The following DPYSL2 variants were observed in gnomAD, a reference collection of about 807,000 sequenced individuals.
DPYSL2 encodes the protein dihydropyrimidinase like 2, also known as dihydropyrimidinase-related protein 2.
In DPYSL2, 13 loss-of-function variants were observed where a neutral mutation model predicts 69.9. That is an observed-to-expected ratio of 0.19 (90% CI 0.12 to 0.30). The LOEUF is 0.30. Ranked by LOEUF, DPYSL2 falls within the 10% of genes least tolerant of loss-of-function variation. The pLI is 1.00. For missense variants in DPYSL2, 587 were observed against 918.9 expected (o/e 0.64, Z 4.67); for synonymous variants, 326 against 359.1 (o/e 0.91, Z 1.04).
intron 1 of DPYSL2, among the ~76,000 whole-genome samples, chr8:26,545,670 G>C (rs1320873658): frequency 1.3e-5 from 2 of 152,232 alleles, no homozygotes; most frequent in South Asian, 4.1e-4. Context: ...GGGAGGCTGA[G>C]GCAGGAGAAT....
intron 1 of DPYSL2, among the ~76,000 whole-genome samples, chr8:26,519,629 A>G (rs762283630): frequency 1.3e-5 from 2 of 152,104 alleles, no homozygotes; most frequent in Non-Finnish European, 2.9e-5. Flanking sequence ...TACTTAGCCA[A>G]TTCCTAAGGT....
At chr8:26,576,520 G>A (rs1801347019) in intron 1 of DPYSL2, among the ~76,000 whole-genome samples, 1 of 152,156 alleles carries the variant, frequency 6.6e-6, no homozygotes, top group Admixed American at 6.5e-5. Context: ...GTAGATTCCT[G>A]AGGATCAACT....
Position 26,655,616 on chromosome 8 carries a change from T to A in DPYSL2, c.1944T>A (p.Gly648=). ...NLHQSGFSLS[G]AQIDDNIPRR... ...TCCTCTCTTCTCCTCTCCCTCCAGG[T>A]GCTCAGATTGATGACAACATTCCCC... is the stretch of plus-strand genomic sequence containing the variant. Residue 648 remains glycine (G), a splice_region_variant and synonymous_variant, in exon 14 of 14, where the codon GGT becomes GGA. Transcript: ENST00000521913. 6.2e-7 allele frequency: 1 copy of A among 1,606,216 alleles called. No individual in the cohort carries two copies. Among genetic ancestry groups the A allele is most frequent in the Non-Finnish European group, 8.5e-7 (1 of 1,175,202 alleles).
chr8:26,557,959 G>A (rs893572244), intron 1 of DPYSL2, among the ~76,000 whole-genome samples: 6 of 151,962 alleles, frequency 3.9e-5, no homozygotes, highest in Middle Eastern at 3.4e-3. Context: ...TTGTGAGGAT[G>A]TGGAGCAACA....
Position 26,571,381 on chromosome 8 carries a change from C to T in DPYSL2, c.355-10588C>T, listed in dbSNP as rs1320816571. ...CCCTGCCCTGGCTTGGAGACCAGCACGCAGGGGACCACGTGCACACTCTTT... is the reference window on the plus strand; with the variant it reads ...CCCTGCCCTGGCTTGGAGACCAGCATGCAGGGGACCACGTGCACACTCTTT... On this transcript the variant is annotated intron_variant, in intron 1 of 13. Coordinates refer to ENST00000521913, the MANE Select transcript of DPYSL2 (RefSeq NM_001197293.3). The surrounding 1 kb of genome is among the most constrained non-coding windows in gnomAD (Gnocchi z 6.1). Among the ~76,000 whole-genome samples the T allele has an allele frequency of 1.3e-5, 2 of 152,098 alleles. No individual in the cohort carries two copies. Among genetic ancestry groups the T allele is most frequent in the Admixed American group, 6.6e-5 (1 of 15,266 alleles).
chr8:26,646,732 T>A (rs1218687838), intron 10 of DPYSL2, among the ~76,000 whole-genome samples: 1 of 152,056 alleles, frequency 6.6e-6, no homozygotes, highest in African/African-American at 2.4e-5. Context: ...GGCTCATGCC[T>A]GAAATCCCAG....
rs1802612437 is a variant in DPYSL2, at chr8:26,626,394, TC to T, written c.794-220del. On this transcript the variant is annotated intron_variant, in intron 4 of 13. Transcript: ENST00000521913. This position sits in a 1 kb window ranked among gnomAD's most constrained non-coding sequence, Gnocchi z 4.3. The stretch of plus-strand genomic sequence containing the variant: ...TAAAAAGCATCCTTGTGCCTCTTCC[TC>T]CCACATTCACAGGTTATTTATATGG... 6.6e-6 allele frequency among the ~76,000 whole-genome samples: 1 copy of T among 152,064 alleles called. No individual in the cohort carries two copies. The highest frequency in any genetic ancestry group is 2.4e-5 in the African/African-American group (1 of 41,394).
At chr8:26,637,306 C>G (rs1802943939) in intron 8 of DPYSL2, among the ~76,000 whole-genome samples, 2 of 152,152 alleles carry the variant, frequency 1.3e-5, no homozygotes, top group African/African-American at 4.8e-5. Flanking sequence ...AGCTAACTTC[C>G]TAGGCTCTTA....
In DPYSL2 at chr8:26,605,456, A is replaced by T. The variant is rs991223923; in HGVS notation, c.629-18687A>T. ...CATGCACCCACTACCACACCCAGCT[A>T]ATTTTTATATTTTTAGTAGAGATGG... On this transcript the variant is annotated intron_variant, in intron 3 of 13. Transcript: ENST00000521913. The surrounding 1 kb of genome is among the most constrained non-coding windows in gnomAD (Gnocchi z 4.1). Among the ~76,000 whole-genome samples the T allele has an allele frequency of 6.6e-6, 1 of 151,656 alleles. No homozygotes were observed. Among genetic ancestry groups the T allele is most frequent in the African/African-American group, 2.4e-5 (1 of 41,252 alleles).
chr8:26,555,841 T>A (rs1234679357), intron 1 of DPYSL2, among the ~76,000 whole-genome samples: 2 of 149,376 alleles, frequency 1.3e-5, no homozygotes, highest in African/African-American at 4.9e-5. Flanking sequence ...GAGCCATGAT[T>A]GTCAGCCTGG....
chr8:26,583,142 CT>C (rs1312250871), intron 2 of DPYSL2, among the ~76,000 whole-genome samples: 1 of 152,074 alleles, frequency 6.6e-6, no homozygotes, highest in African/African-American at 2.4e-5. Context: ...ATTAATATTC[CT>C]TTTAAAAAAT....
In DPYSL2 at chr8:26,624,789, G is replaced by A. The variant is rs751912786; in HGVS notation, c.793+482G>A. Among the ~76,000 whole-genome samples the A allele has an allele frequency of 7.2e-5, 11 of 152,136 alleles. No individual in the cohort carries two copies. The highest frequency in any genetic ancestry group is 1.5e-4 in the Non-Finnish European group (10 of 68,030). Reference sequence around the variant, plus strand: ...TCAAAACTGAGTGACAACCTGAGAGGGCTTTTCCTTTCCCTAGAATTATTT... The same window carrying A: ...TCAAAACTGAGTGACAACCTGAGAGAGCTTTTCCTTTCCCTAGAATTATTT... On this transcript the variant is annotated intron_variant, in intron 4 of 13. Transcript: ENST00000521913. The surrounding 1 kb of genome is among the most constrained non-coding windows in gnomAD (Gnocchi z 4.7).
At position 26,562,282 on chromosome 8, in the gene DPYSL2, A is replaced by G. The variant is rs1219034286; in HGVS notation, c.355-19687A>G. ...CTCACAGAGTTGTTGTGAGGATTAAATGTATTATGAGGCTTAACCAGAGTT... is the reference window on the plus strand; with the variant it reads ...CTCACAGAGTTGTTGTGAGGATTAAGTGTATTATGAGGCTTAACCAGAGTT... On this transcript the variant is annotated intron_variant, in intron 1 of 13. Transcript: ENST00000521913. The surrounding 1 kb of genome is among the most constrained non-coding windows in gnomAD (Gnocchi z 4.9). Among the ~76,000 whole-genome samples, 1 of 152,204 alleles carries G rather than the reference A, an allele frequency of 6.6e-6. No individual in the cohort carries two copies. The highest frequency in any genetic ancestry group is 2.4e-5 in the African/African-American group (1 of 41,448).
At chr8:26,523,928 T>G (rs1490409493) in intron 1 of DPYSL2, among the ~76,000 whole-genome samples, 1 of 152,266 alleles carries the variant, frequency 6.6e-6, no homozygotes, top group African/African-American at 2.4e-5. Flanking sequence ...TTTTCATCAG[T>G]GGACAATTGG....
Position 26,624,408 on chromosome 8 carries a change from T to C in DPYSL2, c.793+101T>C. 1 of 1,436,626 alleles carries C rather than the reference T, an allele frequency of 7.0e-7. No individual in the cohort carries two copies. Among genetic ancestry groups the C allele is most frequent in the Non-Finnish European group, 9.5e-7 (1 of 1,050,606 alleles). 89.0% of individuals were successfully genotyped at this position (1,436,626 alleles called of 1,614,324 possible). On this transcript the variant is annotated intron_variant, in intron 4 of 13. Transcript: ENST00000521913. This position sits in a 1 kb window ranked among gnomAD's most constrained non-coding sequence, Gnocchi z 4.7. ...AGTGATAATGCTTCCAGATCCCATT[T>C]GTGCCTCATGCCCATGCCTGCCCCT...
At chr8:26,552,908 C>G (rs975852389) in intron 1 of DPYSL2, among the ~76,000 whole-genome samples, 1 of 152,130 alleles carries the variant, frequency 6.6e-6, no homozygotes, top group Non-Finnish European at 1.5e-5. Flanking sequence ...TGATATAACT[C>G]TAGCTAGGCT....
intron 3 of DPYSL2, 163 bp from the exon 4 acceptor site, chr8:26,623,980 G>A: frequency 1.4e-6 from 1 of 711,226 alleles, no homozygotes; most frequent in Non-Finnish European, 2.3e-6. Context: ...CTCCCTCTTG[G>A]ATAATCAGCT....
At position 26,583,784 on chromosome 8, in the gene DPYSL2, A is replaced by C; in HGVS notation, c.444-15A>C. On this transcript the variant is annotated splice_polypyrimidine_tract_variant and intron_variant, in intron 2 of 13. Transcript: ENST00000521913. ...ATTTCATTTACAACCCTTATCACCA[A>C]CCCTGTTTATTTAGGCAAATAGGAG... 6.2e-7 allele frequency: 1 copy of C among 1,603,788 alleles called. No homozygotes were observed. The highest frequency in any genetic ancestry group is 8.5e-7 in the Non-Finnish European group (1 of 1,174,864).
At position 26,644,219 on chromosome 8, in the gene DPYSL2, T is replaced by C. The variant is rs934574234; in HGVS notation, c.1425+128T>C. 5 of 1,116,648 alleles carry C rather than the reference T, an allele frequency of 4.5e-6. No homozygotes were observed. The highest frequency in any genetic ancestry group is 4.4e-4 in the Middle Eastern group (2 of 4,572). The allele number at this position is 1,116,648 out of a possible 1,614,324, so 69.2% of individuals were successfully genotyped here. Reference sequence around the variant, plus strand: ...AGGACATCCTAGAAGCCAGTACTTATATGACAATATTTCTGAGGGTTGGAA... The same window carrying C: ...AGGACATCCTAGAAGCCAGTACTTACATGACAATATTTCTGAGGGTTGGAA... On this transcript the variant is annotated intron_variant, in intron 10 of 13. Transcript: ENST00000521913. The surrounding 1 kb of genome is among the most constrained non-coding windows in gnomAD (Gnocchi z 4.5).
Sources: allele counts gnomAD v4.1 joint callset (sites outside exome capture counted in the v4.1 genomes callset), GRCh38; gene constraint gnomAD v4.1.1; non-coding constraint Gnocchi (gnomAD v3.1); transcripts MANE v1.5; gene names NCBI Gene and HGNC (gene_info 2026-07-23, HGNC 2026-07-21).